The following TMEM45B variants were observed in gnomAD, a reference collection of about 807,000 sequenced individuals.
The protein encoded by TMEM45B is transmembrane protein 45B.
In TMEM45B, 29 loss-of-function variants were observed where a neutral mutation model predicts 27.3. The observed-to-expected ratio is 1.06, with a 90% CI of 0.79 to 1.45. TMEM45B has a LOEUF of 1.45. Ranked by LOEUF, TMEM45B falls within the 40% of genes most tolerant of loss-of-function variation. TMEM45B has a pLI of 0.00. For synonymous variants in TMEM45B, 143 were observed against 134.7 expected (o/e 1.06, Z -0.43); for missense variants, 348 against 343.9 (o/e 1.01, Z -0.09).
intron 1 of TMEM45B, among the ~76,000 whole-genome samples, chr11:129,841,247 T>C (rs1481898206): frequency 6.6e-6 from 1 of 151,850 alleles, no homozygotes; most frequent in Admixed American, 6.6e-5. Context: ...GGCTGGGGGG[T>C]TGAAAATCCT....
chr11:129,820,330 TAAC>T (rs1947404046), intron 1 of TMEM45B, among the ~76,000 whole-genome samples: 1 of 151,926 alleles, frequency 6.6e-6, no homozygotes, highest in Non-Finnish European at 1.5e-5. Context: ...AAAATAATAA[TAAC>T]AACAAAATAG....
chr11:129,822,842 T>C (rs1390417016), intron 1 of TMEM45B, among the ~76,000 whole-genome samples: 1 of 92,152 alleles, frequency 1.1e-5, no homozygotes, highest in Non-Finnish European at 2.1e-5. Context: ...AACATTTTTC[T>C]TTTTTTTTTT....
At chr11:129,843,755 G>A (rs910077748) in intron 1 of TMEM45B, among the ~76,000 whole-genome samples, 10 of 152,194 alleles carry the variant, frequency 6.6e-5, no homozygotes, top group South Asian at 2.1e-4. Flanking sequence ...CCTTATACCT[G>A]TTGGGATGGC....
intron 1 of TMEM45B, among the ~76,000 whole-genome samples, chr11:129,838,766 G>A (rs1396388087): frequency 6.6e-6 from 1 of 152,182 alleles, no homozygotes; most frequent in African/African-American, 2.4e-5. Flanking sequence ...ATGTTAGAGA[G>A]TGCTGGTTGC....
chr11:129,852,521 C>T lies in TMEM45B; in HGVS notation c.39C>T (p.Phe13=). Reference sequence around the variant, plus strand: ...AGGGCCACGCGCTTCCAGGGAGTTTCTTCCTGATCATTGGGCTGTGTTGGT... The same window carrying T: ...AGGGCCACGCGCTTCCAGGGAGTTTTTTCCTGATCATTGGGCTGTGTTGGT... ...NFKGHALPGS[F]FLIIGLCWSV... is the part of the protein sequence containing the mutation. Residue 13 remains phenylalanine (F), a synonymous_variant, in exon 2 of 6, where the codon TTC becomes TTT. Coordinates refer to ENST00000281441, the MANE Select transcript of TMEM45B (RefSeq NM_138788.5). 6.2e-7 allele frequency: 1 copy of T among 1,610,428 alleles called. No homozygotes were observed. Among genetic ancestry groups the T allele is most frequent in the Non-Finnish European group, 8.5e-7 (1 of 1,176,974 alleles).
Position 129,859,586 on chromosome 11 carries a change from C to G in TMEM45B, c.*901C>G, listed in dbSNP as rs1337467985. 1 of 151,992 alleles carries G rather than the reference C, an allele frequency of 6.6e-6. No individual in the cohort carries two copies. 9.4% of individuals were successfully genotyped at this position (151,992 alleles called of 1,614,324 possible). On this transcript the variant is annotated 3_prime_UTR_variant, in exon 6 of 6. Coordinates refer to ENST00000281441, the MANE Select transcript of TMEM45B (RefSeq NM_138788.5). Reference sequence around the variant, plus strand: ...CTATAATCCTAGCACTTTGGGAGGCCGAGGCAGGCAGATCACGGGGTCAGG... The same window carrying G: ...CTATAATCCTAGCACTTTGGGAGGCGGAGGCAGGCAGATCACGGGGTCAGG...
In TMEM45B at chr11:129,855,299, G is replaced by C. The variant is rs1283155576; in HGVS notation, c.386-409G>C. On this transcript the variant is annotated intron_variant, in intron 3 of 5. Coordinates refer to ENST00000281441, the MANE Select transcript of TMEM45B (RefSeq NM_138788.5). ...CAAGCCTCAGGAGACCCACTCCACTGCCAGGGGAGCGCTGCCAGTATGACT... is the reference window on the plus strand; with the variant it reads ...CAAGCCTCAGGAGACCCACTCCACTCCCAGGGGAGCGCTGCCAGTATGACT... Among the ~76,000 whole-genome samples the C allele has an allele frequency of 1.6e-3, 250 of 152,216 alleles. 1 individual carries two copies. The highest frequency in any genetic ancestry group is 5.7e-3 in the African/African-American group (236 of 41,522).
chr11:129,851,026 G>A (rs933997578), intron 1 of TMEM45B, among the ~76,000 whole-genome samples: 5 of 152,164 alleles, frequency 3.3e-5, no homozygotes, highest in Non-Finnish European at 5.9e-5. Flanking sequence ...CACACAATAC[G>A]CAGACTGGGT....
At chr11:129,835,325 G>A (rs1158397431) in intron 1 of TMEM45B, among the ~76,000 whole-genome samples, 2 of 152,204 alleles carry the variant, frequency 1.3e-5, no homozygotes, top group Admixed American at 1.3e-4. Context: ...AACCAACTCA[G>A]CAAGTCGGGA....
intron 1 of TMEM45B, among the ~76,000 whole-genome samples, chr11:129,837,980 C>G (rs1044037381): frequency 2.6e-5 from 4 of 151,884 alleles, no homozygotes; most frequent in African/African-American, 9.7e-5. Flanking sequence ...TGGGATTTCA[C>G]CATGTTGGCC....
intron 1 of TMEM45B, among the ~76,000 whole-genome samples, chr11:129,816,769 G>T (rs1439926761): frequency 9.0e-6 from 1 of 111,246 alleles, no homozygotes; most frequent in Non-Finnish European, 1.7e-5. Flanking sequence ...ACGGAGTCTC[G>T]CTCTGTCGCC....
chr11:129,820,241 G>A (rs1267263090), intron 1 of TMEM45B, among the ~76,000 whole-genome samples: 2 of 152,064 alleles, frequency 1.3e-5, no homozygotes, highest in East Asian at 1.9e-4. Context: ...CTTGAACCCA[G>A]GAGGCAGAGG....
At chr11:129,858,131 A>G (rs1478933987) in intron 5 of TMEM45B, among the ~76,000 whole-genome samples, 1 of 152,230 alleles carries the variant, frequency 6.6e-6, no homozygotes, top group Non-Finnish European at 1.5e-5. Context: ...GGTGAATTTT[A>G]GCAAATGGTA....
intron 1 of TMEM45B, among the ~76,000 whole-genome samples, chr11:129,834,437 A>G (rs1591439733): frequency 5.2e-4 from 1 of 1,912 alleles, no homozygotes; most frequent in Non-Finnish European, 3.3e-3. Flanking sequence ...TCTCAAAGGA[A>G]AAAAAAAAAC....
chr11:129,837,788 T>C (rs1421157597), intron 1 of TMEM45B, among the ~76,000 whole-genome samples: 3 of 140,690 alleles, frequency 2.1e-5, no homozygotes, highest in Non-Finnish European at 3.1e-5. Flanking sequence ...TTTTTTTTTT[T>C]TTTTTTTTTT....
At chr11:129,849,053 A>G (rs1947807676) in intron 1 of TMEM45B, among the ~76,000 whole-genome samples, 1 of 152,194 alleles carries the variant, frequency 6.6e-6, no homozygotes, top group South Asian at 2.1e-4. Context: ...GAATTCACGT[A>G]CTTCTCACAA....
At chr11:129,857,192 G>A (rs535560891) in intron 4 of TMEM45B, 121 bp from the exon 5 acceptor site, 40 of 1,193,800 alleles carry the variant, frequency 3.4e-5, no homozygotes, top group South Asian at 2.2e-4. Flanking sequence ...CTATGCTAAC[G>A]AAGTGTGGGA....
Position 129,845,032 on chromosome 11 carries a change from AATAT to A in TMEM45B, c.-8-7434_-8-7431del, listed in dbSNP as rs371120021. On this transcript the variant is annotated intron_variant, in intron 1 of 5. Coordinates refer to ENST00000281441, the MANE Select transcript of TMEM45B (RefSeq NM_138788.5). The stretch of plus-strand genomic sequence containing the variant: ...GTAAATATGTGATTAAATATCAAAG[AATAT>A]ATATATATTCATGCTTTGAAAAATG... Among the ~76,000 whole-genome samples, 7 of 152,174 alleles carry A rather than the reference AATAT, an allele frequency of 4.6e-5. No individual in the cohort carries two copies. The East Asian group carries it at 1.4e-3, about 29-fold the overall frequency.
At chr11:129,833,147 G>A (rs760592296) in intron 1 of TMEM45B, among the ~76,000 whole-genome samples, 7 of 151,976 alleles carry the variant, frequency 4.6e-5, no homozygotes, top group Non-Finnish European at 1.0e-4. Flanking sequence ...GGCTGAGGCT[G>A]GAGAGTTGCT....
Sources: allele counts gnomAD v4.1 joint callset (sites outside exome capture counted in the v4.1 genomes callset), GRCh38; gene constraint gnomAD v4.1.1; transcripts MANE v1.5; gene names NCBI Gene and HGNC (gene_info 2026-07-23, HGNC 2026-07-21).